ITPRID1: variants seen among roughly 807,000 people sequenced by gnomAD.
The protein encoded by ITPRID1 is ITPR interacting domain containing 1, also known as protein ITPRID1.
Under a neutral mutation model 95.4 loss-of-function variants are expected in ITPRID1, and 96 were observed. That is an observed-to-expected ratio of 1.01 (90% CI 0.85 to 1.19). The LOEUF (loss-of-function observed/expected upper bound fraction) is 1.19, where lower values mean the gene tolerates loss of function less well. Ranked by LOEUF, ITPRID1 falls within the 50% of genes most tolerant of loss-of-function variation. The probability of loss-of-function intolerance (pLI) is 0.00; values close to 1 mark genes in which losing one functional copy is unlikely to be tolerated. For missense variants in ITPRID1, 1,339 were observed against 1,252.9 expected (o/e 1.07, Z -1.04); for synonymous variants, 510 against 453.6 (o/e 1.12, Z -1.58).
At chr7:31,636,716 T>TTC in intron 10 of ITPRID1, among the ~76,000 whole-genome samples, 1 of 149,414 alleles carries the variant, frequency 6.7e-6, no homozygotes. Flanking sequence ...TAAAGGGATC[T>TTC]TTTTTTTTTA....
rs1789594840 is a variant in ITPRID1, at chr7:31,637,421, T to C, written c.1229-4755T>C. Among the ~76,000 whole-genome samples the C allele has an allele frequency of 2.0e-5, 3 of 152,282 alleles. No homozygotes were observed. In the South Asian group the frequency reaches 6.2e-4, roughly 32 times the overall value. On this transcript the variant is annotated intron_variant, in intron 10 of 14. Transcript: ENST00000615280. ...CTGTTGTTTCCTGACTTTTTAATGA[T>C]CGCCAGTCTAACTGGTGTGAGATGG...
rs557224772 is a variant in ITPRID1 at position 31,646,149 on chromosome 7, G to C, written c.2583+2196G>C. ...CAAAGATTTTAAGTCATATTTAGTT[G>C]TCTATTTTGTTAAAAATAACAAAAT... is the stretch of plus-strand genomic sequence containing the variant. On this transcript the variant is annotated intron_variant, in intron 12 of 14. Transcript: ENST00000615280. Among the ~76,000 whole-genome samples the C allele has an allele frequency of 3.9e-5, 6 of 152,246 alleles. No homozygotes were observed. In the East Asian group the frequency reaches 9.6e-4, roughly 24 times the overall value.
At chr7:31,572,348 G>A (rs1317346797) in intron 7 of ITPRID1, among the ~76,000 whole-genome samples, 160 bp downstream of exon 7, 2 of 152,178 alleles carry the variant, frequency 1.3e-5, no homozygotes, top group Non-Finnish European at 2.9e-5. Context: ...AGTTAAAGGA[G>A]TTAATAAAAT....
At chr7:31,616,855 TCTTAACAGATACCAGATAC>T (rs1056567073) in intron 10 of ITPRID1, among the ~76,000 whole-genome samples, 3 of 151,488 alleles carry the variant, frequency 2.0e-5, no homozygotes, top group African/African-American at 7.3e-5. Context: ...TCCAAACCTC[TCTTAACAGATACCAGATAC>T]CCAAACCTCT....
rs190611111 is a variant in ITPRID1, at chr7:31,558,342, C to A, written c.256+3441C>A. 2.3e-3 allele frequency among the ~76,000 whole-genome samples: 354 copies of A among 152,288 alleles called. 1 individual carries two copies. Among genetic ancestry groups the A allele is most frequent in the African/African-American group, 8.0e-3 (332 of 41,556 alleles). On this transcript the variant is annotated intron_variant, in intron 5 of 14. Coordinates refer to ENST00000615280, the MANE Select transcript of ITPRID1 (RefSeq NM_001257967.3). ...ATACCCCATCCACATCCCTGTTAGA[C>A]AAGTCAAAGCATGGGCAATGTGGGT...
chr7:31,552,075 G>A (rs1000843258), intron 2 of ITPRID1, among the ~76,000 whole-genome samples: 1 of 143,246 alleles, frequency 7.0e-6, no homozygotes, highest in Admixed American at 7.0e-5. Flanking sequence ...CTTATAGTCT[G>A]CGGAGACCGA....
chr7:31,629,677 A>G (rs1467821948), intron 10 of ITPRID1, among the ~76,000 whole-genome samples: 1 of 152,216 alleles, frequency 6.6e-6, no homozygotes, highest in Non-Finnish European at 1.5e-5. Flanking sequence ...CTCACCTCTC[A>G]AAAAGCATCC....
rs772928377 is a variant in ITPRID1, at chr7:31,643,311, T to C, written c.1941T>C (p.Ser647=). The C allele has an allele frequency of 2.5e-6, 4 of 1,613,874 alleles. No homozygotes were observed. Among genetic ancestry groups the C allele is most frequent in the Non-Finnish European group, 3.4e-6 (4 of 1,179,868 alleles). ...CATCACAGTGTATCCCCAAGCACAG[T>C]GAAATCACACCTTATGCAACTGACC... ...ESSSQCIPKH[S]EITPYATDLA... Residue 647 remains serine, a synonymous_variant, in exon 12 of 15, where the codon AGT becomes AGC. Transcript: ENST00000615280.
chr7:31,582,749 A>G (rs1485868026), intron 9 of ITPRID1, among the ~76,000 whole-genome samples: 2 of 152,156 alleles, frequency 1.3e-5, no homozygotes, highest in Non-Finnish European at 2.9e-5. Flanking sequence ...ATGTCTAAGC[A>G]CTATATAGCA....
At chr7:31,523,841 C>T (rs1269323356) in intron 1 of ITPRID1, among the ~76,000 whole-genome samples, 2 of 152,134 alleles carry the variant, frequency 1.3e-5, no homozygotes, top group Non-Finnish European at 2.9e-5. Flanking sequence ...GCTCAGTGTT[C>T]CTGGTGTGGA....
At chr7:31,539,893 A>C (rs34303811) in intron 1 of ITPRID1, among the ~76,000 whole-genome samples, 37,702 of 151,672 alleles carry the variant, frequency 0.25, 4,878 homozygotes, top group Middle Eastern at 0.36. Context: ...TCGGGGTGGC[A>C]TGTATCTGAT....
intron 10 of ITPRID1, among the ~76,000 whole-genome samples, chr7:31,617,811 ATTTGG>A (rs1164564771): frequency 3.9e-5 from 6 of 152,220 alleles, no homozygotes; most frequent in Non-Finnish European, 8.8e-5. Flanking sequence ...AAGATAAAAT[ATTTGG>A]AGACTATTTA....
At chr7:31,630,088 T>TG (rs34901918) in intron 10 of ITPRID1, among the ~76,000 whole-genome samples, 3 of 152,030 alleles carry the variant, frequency 2.0e-5, no homozygotes, top group African/African-American at 7.2e-5. Flanking sequence ...ACTGATTAAT[T>TG]GGGGAGTTAA....
intron 10 of ITPRID1, among the ~76,000 whole-genome samples, chr7:31,602,946 C>T (rs1472891816): frequency 6.9e-6 from 1 of 145,926 alleles, no homozygotes; most frequent in Non-Finnish European, 1.5e-5. Context: ...GCCATAGGAG[C>T]TCTGTCAAGC....
At chr7:31,624,969 A>T (rs1788307345) in intron 10 of ITPRID1, among the ~76,000 whole-genome samples, 1 of 152,266 alleles carries the variant, frequency 6.6e-6, no homozygotes, top group Non-Finnish European at 1.5e-5. Flanking sequence ...AAAGGACATG[A>T]ATAGACACTT....
intron 9 of ITPRID1, among the ~76,000 whole-genome samples, chr7:31,580,350 G>A (rs556753021): frequency 2.7e-5 from 4 of 149,204 alleles, no homozygotes; most frequent in East Asian, 3.9e-4. Flanking sequence ...GCTAGGATCC[G>A]AACAAAAAGT....
chr7:31,518,963 A>G (rs1783132077), intron 1 of ITPRID1, among the ~76,000 whole-genome samples: 1 of 152,162 alleles, frequency 6.6e-6, no homozygotes, highest in African/African-American at 2.4e-5. Flanking sequence ...CTATTTTGTG[A>G]CGTTTTCCCT....
chr7:31,595,130 C>T (rs376352626), intron 10 of ITPRID1, among the ~76,000 whole-genome samples: 14 of 147,722 alleles, frequency 9.5e-5, no homozygotes, highest in Non-Finnish European at 1.3e-4. Context: ...GGAGTGCAAC[C>T]GCCTCCCAGG....
intron 10 of ITPRID1, among the ~76,000 whole-genome samples, chr7:31,627,615 A>T (rs963739941): frequency 7.0e-6 from 1 of 142,462 alleles, no homozygotes; most frequent in Non-Finnish European, 1.5e-5. Flanking sequence ...AGCTGCGATC[A>T]TGCCACTGCA....
Sources: allele counts gnomAD v4.1 joint callset (sites outside exome capture counted in the v4.1 genomes callset), GRCh38; gene constraint gnomAD v4.1.1; transcripts MANE v1.5; gene names NCBI Gene and HGNC (gene_info 2026-07-23, HGNC 2026-07-21).